Variants in MAPK14 observed in about 807,000 individuals in gnomAD.
MAPK14 encodes the protein CSAID-binding protein.
A neutral mutation model predicts 49.6 loss-of-function variants in MAPK14; 16 were observed. That is an observed-to-expected ratio of 0.32 (90% CI 0.22 to 0.49). MAPK14 has a LOEUF of 0.49. Among genes scored for constraint, MAPK14 ranks in the 20% least tolerant of loss-of-function variants. The pLI is 0.99. For synonymous variants in MAPK14, 142 were observed against 158.0 expected (o/e 0.90, Z 0.76); for missense variants, 200 against 441.2 (o/e 0.45, Z 4.90).
chr6:36,067,605 C>G (rs960654769), intron 3 of MAPK14, among the ~76,000 whole-genome samples: 1 of 152,098 alleles, frequency 6.6e-6, no homozygotes, highest in Non-Finnish European at 1.5e-5. Context: ...AGTCTAGTTT[C>G]ACTGATGCAG....
intron 6 of MAPK14, among the ~76,000 whole-genome samples, chr6:36,074,975 C>G (rs559665475): frequency 6.6e-6 from 1 of 151,616 alleles, no homozygotes; most frequent in African/African-American, 2.4e-5. Flanking sequence ...GCCTGTAATC[C>G]CAGCACTTTG....
chr6:36,065,629 C>T (rs543023764), intron 3 of MAPK14, among the ~76,000 whole-genome samples: 1 of 150,572 alleles, frequency 6.6e-6, no homozygotes, highest in South Asian at 2.1e-4. Flanking sequence ...ATAAGCTAAG[C>T]CTCATTAAGG....
chr6:36,104,380 T>C (rs1765735832), intron 10 of MAPK14, among the ~76,000 whole-genome samples: 1 of 152,058 alleles, frequency 6.6e-6, no homozygotes, highest in Non-Finnish European at 1.5e-5. Context: ...GAAAAGATGT[T>C]GTGTTCTTTC....
chr6:36,096,035 C>A lies in MAPK14; in HGVS notation c.731C>A (p.Ala244Asp). ...TTAAGACTCGTTGGAACCCCAGGGGCTGAGCTTTTGAAGAAAATCTCCTCA... is the reference window on the plus strand; with the variant it reads ...TTAAGACTCGTTGGAACCCCAGGGGATGAGCTTTTGAAGAAAATCTCCTCA... ...LILRLVGTPG[A>D]ELLKKISSES... The change falls in exon 9 of 12, where the codon GCT becomes GAT. Residue 244 changes from alanine to aspartate, a missense_variant. This residue lies in a region of MAPK14 where 170 missense variants were observed against 407.0 expected (regional missense o/e 0.42). Transcript: ENST00000229794. 1.4e-5 allele frequency: 23 copies of A among 1,613,592 alleles called. No individual in the cohort carries two copies. Among genetic ancestry groups the A allele is most frequent in the Non-Finnish European group, 1.9e-5 (23 of 1,179,566 alleles).
intron 8 of MAPK14, among the ~76,000 whole-genome samples, chr6:36,081,385 C>T (rs1200361520): frequency 6.6e-6 from 1 of 152,058 alleles, no homozygotes; most frequent in African/African-American, 2.4e-5. Flanking sequence ...GAGGTAGGGG[C>T]CCAACTTCAT....
At chr6:36,046,478 A>C (rs992369941) in intron 1 of MAPK14, among the ~76,000 whole-genome samples, 1 of 152,220 alleles carries the variant, frequency 6.6e-6, no homozygotes. Context: ...CAAACCTACT[A>C]TAAAAGTTAT....
At chr6:36,123,853 G>C in the MAPK14 span, among the ~76,000 whole-genome samples, 11 of 152,282 alleles carry the variant, frequency 7.2e-5, no homozygotes, top group African/African-American at 2.2e-4. Context: ...TGTGGGCTGG[G>C]TGCAGGGAGG....
At chr6:36,038,078 A>G (rs1169077914) in intron 1 of MAPK14, among the ~76,000 whole-genome samples, 1 of 152,120 alleles carries the variant, frequency 6.6e-6, no homozygotes, top group African/African-American at 2.4e-5. Flanking sequence ...AACAAAATAT[A>G]TAGTGTGTCA....
the MAPK14 span, among the ~76,000 whole-genome samples, chr6:36,119,720 G>A: frequency 6.6e-6 from 1 of 152,096 alleles, no homozygotes; most frequent in Non-Finnish European, 1.5e-5. Flanking sequence ...AGCATCTAGT[G>A]GGTAGAGGCC....
intron 2 of MAPK14, among the ~76,000 whole-genome samples, chr6:36,053,667 CT>C (rs1763484437): frequency 6.6e-6 from 1 of 152,122 alleles, no homozygotes; most frequent in South Asian, 2.1e-4. Context: ...TCTGGCTGTA[CT>C]GCTTGTTACC....
At chr6:36,087,728 A>G (rs141656378) in intron 8 of MAPK14, among the ~76,000 whole-genome samples, 1,894 of 152,314 alleles carry the variant, frequency 0.012, 44 homozygotes, top group African/African-American at 0.043. Flanking sequence ...TAATTTATAA[A>G]TTTAATGCTA....
At chr6:36,093,338 T>A (rs1765313907) in intron 8 of MAPK14, among the ~76,000 whole-genome samples, 1 of 152,062 alleles carries the variant, frequency 6.6e-6, no homozygotes, top group Non-Finnish European at 1.5e-5. Flanking sequence ...TAATGGAAAT[T>A]GCGTATTCTT....
downstream of MAPK14, among the ~76,000 whole-genome samples, chr6:36,115,727 A>G (rs891531771): frequency 6.6e-6 from 1 of 152,208 alleles, no homozygotes; most frequent in Non-Finnish European, 1.5e-5. Context: ...CCTGGCCAAC[A>G]TGGTGAAACC....
intron 3 of MAPK14, among the ~76,000 whole-genome samples, chr6:36,065,828 C>T (rs1764033301): frequency 6.6e-6 from 1 of 152,006 alleles, no homozygotes; most frequent in Admixed American, 6.6e-5. Flanking sequence ...CTCCTGGATC[C>T]TTAACACATT....
rs1765840176 is a variant in MAPK14 at position 36,107,689 on chromosome 6, A to T, written c.1015+61A>T. On this transcript the variant is annotated intron_variant, in intron 11 of 11. Transcript: ENST00000229794. The surrounding 1 kb of genome is among the most constrained non-coding windows in gnomAD (Gnocchi z 4.3). The stretch of plus-strand genomic sequence containing the variant: ...CTAACCAAAAGCGGTGGGAAAAATA[A>T]AAACTGAATGGTCATAACCAACTTG... 2.3e-6 allele frequency: 3 copies of T among 1,310,416 alleles called. No homozygotes were observed. The highest frequency in any genetic ancestry group is 3.1e-6 in the Non-Finnish European group (3 of 971,960). 81.2% of individuals were successfully genotyped at this position (1,310,416 alleles called of 1,614,324 possible).
chr6:36,097,712 G>A (rs1765490900), intron 9 of MAPK14: 2 of 152,106 alleles, frequency 1.3e-5, no homozygotes, highest in Admixed American at 1.3e-4. Flanking sequence ...CAAAGTCTAG[G>A]TAAAATAGTC....
At position 36,028,682 on chromosome 6, in the gene MAPK14, C is replaced by G. The variant is rs1474883097; in HGVS notation, c.116+409C>G. Among the ~76,000 whole-genome samples the G allele has an allele frequency of 1.3e-5, 2 of 152,062 alleles. No individual in the cohort carries two copies. Among genetic ancestry groups the G allele is most frequent in the Admixed American group, 6.6e-5 (1 of 15,262 alleles). ...GCTGGGGCTCCGGACCCTGGGTCCTCTGAGCAGACAAGCTCGGGGAACTGC... is the reference window on the plus strand; with the variant it reads ...GCTGGGGCTCCGGACCCTGGGTCCTGTGAGCAGACAAGCTCGGGGAACTGC... On this transcript the variant is annotated intron_variant, in intron 1 of 11. Transcript: ENST00000229794. The surrounding 1 kb of genome is among the most constrained non-coding windows in gnomAD (Gnocchi z 5.1).
chr6:36,066,060 A>G (rs536918543), intron 3 of MAPK14, among the ~76,000 whole-genome samples: 20 of 152,312 alleles, frequency 1.3e-4, no homozygotes, highest in East Asian at 1.9e-4. Flanking sequence ...GCAGTTCTAT[A>G]AAAACTCTTT....
intron 3 of MAPK14, among the ~76,000 whole-genome samples, chr6:36,060,840 G>A (rs1308745865): frequency 6.6e-6 from 1 of 152,218 alleles, no homozygotes; most frequent in African/African-American, 2.4e-5. Context: ...AAGAGTAGAA[G>A]TTAAGAGAGG....
Sources: allele counts gnomAD v4.1 joint callset (sites outside exome capture counted in the v4.1 genomes callset), GRCh38; gene constraint gnomAD v4.1.1; regional missense constraint gnomAD v4.1.1; non-coding constraint Gnocchi (gnomAD v3.1); transcripts MANE v1.5; gene names NCBI Gene and HGNC (gene_info 2026-07-23, HGNC 2026-07-21).